The following UTP20 variants were observed in gnomAD, a reference collection of about 807,000 sequenced individuals.
UTP20 encodes the protein UTP20 small subunit processome component.
UTP20 carries 164 observed loss-of-function variants against 329.5 expected under a neutral mutation model. The observed-to-expected ratio is 0.50, with a 90% CI of 0.44 to 0.57. The LOEUF is 0.57. Ranked by LOEUF, UTP20 falls within the 20% of genes least tolerant of loss-of-function variation. The pLI is 0.00. For synonymous variants in UTP20, 1,151 were observed against 1,159.3 expected (o/e 0.99, Z 0.14); for missense variants, 3,055 against 3,284.2 (o/e 0.93, Z 1.71).
chr12:101,283,508 C>G (rs564900586), intron 2 of UTP20, among the ~76,000 whole-genome samples: 1 of 152,138 alleles, frequency 6.6e-6, no homozygotes, highest in African/African-American at 2.4e-5. Flanking sequence ...AAACAGACTC[C>G]GTCTCTTGGT....
At position 101,371,061 on chromosome 12, in the gene UTP20, A is replaced by G. The variant is rs766523697; in HGVS notation, c.6691A>G (p.Ile2231Val). 4 of 1,613,640 alleles carry G rather than the reference A, an allele frequency of 2.5e-6. No homozygotes were observed. The highest frequency in any genetic ancestry group is 2.7e-5 in the African/African-American group (2 of 74,906). The change falls in exon 51 of 62, where the codon ATT becomes GTT. Residue 2231 changes from isoleucine to valine, a missense_variant. By Grantham distance (29) the Ile-to-Val change is conservative (BLOSUM62 3). Coordinates refer to ENST00000261637, the MANE Select transcript of UTP20 (RefSeq NM_014503.3). ...QATAFGLLKAILSRKLLVPEI... is the reference protein window; with the variant it reads ...QATAFGLLKAVLSRKLLVPEI... ...GTCTTTTCCTTTTGTATCTTAGGCA[A>G]TTTTATCAAGAAAGCTGTTGGTCCC...
At chr12:101,367,272 G>A (rs768121099) in intron 47 of UTP20, among the ~76,000 whole-genome samples, 4 of 152,076 alleles carry the variant, frequency 2.6e-5, no homozygotes, top group Non-Finnish European at 5.9e-5. Context: ...ACAATATAGT[G>A]AGACCCTGTC....
intron 60 of UTP20, among the ~76,000 whole-genome samples, chr12:101,384,357 A>G (rs1870757993): frequency 1.3e-5 from 2 of 152,338 alleles, no homozygotes; most frequent in Middle Eastern, 3.4e-3. Flanking sequence ...CCTGGGCAAC[A>G]TGGCAAAACC....
chr12:101,285,932 A>G (rs886225709), intron 4 of UTP20, 51 bp downstream of exon 4: 1 of 1,592,764 alleles, frequency 6.3e-7, no homozygotes, highest in African/African-American at 1.4e-5. Flanking sequence ...CTGAATTTTA[A>G]GAAAGATTGT....
intron 38 of UTP20, among the ~76,000 whole-genome samples, chr12:101,347,911 C>G (rs979584679): frequency 1.3e-5 from 2 of 152,174 alleles, no homozygotes; most frequent in Non-Finnish European, 2.9e-5. Flanking sequence ...TCACTGCAAC[C>G]TCCACCTCCC....
chr12:101,377,896 T>C (rs956050716), intron 56 of UTP20, among the ~76,000 whole-genome samples: 6 of 152,218 alleles, frequency 3.9e-5, no homozygotes, highest in African/African-American at 1.4e-4. Flanking sequence ...AAGAACTTTG[T>C]TGATGGTTAA....
chr12:101,344,827 A>T (rs1327067776), intron 36 of UTP20, 77 bp downstream of exon 36: 2 of 1,308,040 alleles, frequency 1.5e-6, no homozygotes, highest in African/African-American at 3.0e-5. Context: ...CTACTGTTGT[A>T]TAGAAAAGTA....
At chr12:101,372,819 A>C in intron 51 of UTP20, 65 bp from the exon 52 acceptor site, 2 of 1,354,788 alleles carry the variant, frequency 1.5e-6, no homozygotes, top group Non-Finnish European at 2.1e-6. Flanking sequence ...TCCAGAAAGC[A>C]GCTTAGGAAA....
At chr12:101,361,460 CA>C (rs11333163) in intron 43 of UTP20, among the ~76,000 whole-genome samples, 3,580 of 151,596 alleles carry the variant, frequency 0.024, 144 homozygotes, top group African/African-American at 0.083. Flanking sequence ...CCCATCTTTA[CA>C]AAAAGTACAA....
At chr12:101,296,234 G>A (rs2137239130) in intron 12 of UTP20, among the ~76,000 whole-genome samples, 1 of 152,248 alleles carries the variant, frequency 6.6e-6, no homozygotes, top group Middle Eastern at 3.4e-3. Context: ...TGAATATCTG[G>A]AACTGTTCCC....
intron 25 of UTP20, among the ~76,000 whole-genome samples, chr12:101,325,340 C>T (rs1398519642): frequency 6.6e-6 from 1 of 152,204 alleles, no homozygotes; most frequent in African/African-American, 2.4e-5. Context: ...ATCAGCGATG[C>T]CTTCTTCAAG....
rs77465209 is a variant in UTP20 at position 101,300,119 on chromosome 12, T to A, written c.1675+58T>A. 11,916 of 1,460,464 alleles carry A rather than the reference T, an allele frequency of 8.2e-3. 132 individuals are homozygous for A. The highest frequency in any genetic ancestry group is 0.05 in the African/African-American group (3,620 of 71,964). 90.5% of individuals were successfully genotyped at this position (1,460,464 alleles called of 1,614,324 possible). On this transcript the variant is annotated intron_variant, in intron 14 of 61. Transcript: ENST00000261637. ...TCTTTTCTGGCACACTCAAAGTAAT[T>A]GTAAACACATGAGCTATTAGAGAAT...
At chr12:101,373,293 A>G in intron 52 of UTP20, 108 bp from the exon 53 acceptor site, 1 of 1,113,752 alleles carries the variant, frequency 9.0e-7, no homozygotes, top group Non-Finnish European at 1.3e-6. Context: ...AGCATTTTCC[A>G]TTTTTTTAAG....
intron 50 of UTP20, 36 bp downstream of exon 50, chr12:101,370,599 A>G (rs1870254087): frequency 6.3e-7 from 1 of 1,595,056 alleles, no homozygotes. Context: ...GTTACGGTTT[A>G]TGAGTTTCAC....
At chr12:101,367,623 A>T (rs1870139737) in intron 47 of UTP20, among the ~76,000 whole-genome samples, 1 of 152,214 alleles carries the variant, frequency 6.6e-6, no homozygotes, top group African/African-American at 2.4e-5. Flanking sequence ...CTGGAATCAC[A>T]GTAGATGCTG....
chr12:101,356,735 A>C, intron 42 of UTP20, 42 bp downstream of exon 42: 1 of 1,581,746 alleles, frequency 6.3e-7, no homozygotes, highest in Non-Finnish European at 8.6e-7. Context: ...AAACTCAAAA[A>C]TTGGTTCTTT....
intron 18 of UTP20, among the ~76,000 whole-genome samples, chr12:101,308,606 G>C (rs1044807598): frequency 6.6e-6 from 1 of 151,958 alleles, no homozygotes; most frequent in Non-Finnish European, 1.5e-5. Context: ...AAATGAGTAA[G>C]CAGGGGCTCA....
At chr12:101,335,583 T>C (rs761183563) in intron 29 of UTP20, among the ~76,000 whole-genome samples, 1 of 152,232 alleles carries the variant, frequency 6.6e-6, no homozygotes, top group African/African-American at 2.4e-5. Context: ...GTCTTCTTTG[T>C]GAAACTCCAT....
At chr12:101,333,594 T>G (rs1487171482) in intron 28 of UTP20, 150 bp downstream of exon 28, 3 of 983,084 alleles carry the variant, frequency 3.1e-6, no homozygotes, top group Non-Finnish European at 4.5e-6. Flanking sequence ...TAGAACACTT[T>G]TCTTTGCCTT....
Sources: allele counts gnomAD v4.1 joint callset (sites outside exome capture counted in the v4.1 genomes callset), GRCh38; gene constraint gnomAD v4.1.1; transcripts MANE v1.5; gene names NCBI Gene and HGNC (gene_info 2026-07-23, HGNC 2026-07-21).